GRIP1: variants seen among roughly 807,000 people sequenced by gnomAD.
GRIP1 encodes the protein glutamate receptor-interacting protein 1.
Under a neutral mutation model 129.9 loss-of-function variants are expected in GRIP1, and 45 were observed. That is an observed-to-expected ratio of 0.35 (90% CI 0.27 to 0.44). The LOEUF is 0.44. Among genes scored for constraint, GRIP1 ranks in the 20% least tolerant of loss-of-function variants. The pLI is 1.00. For missense variants in GRIP1, 1,196 were observed against 1,396.8 expected, an observed-to-expected ratio of 0.86 and a Z score of 2.29; for synonymous variants, 530 against 520.8, an observed-to-expected ratio of 1.02 and a Z score of -0.24.
At chr12:66,899,733 T>C (rs151121906) in intron 1 of GRIP1, among the ~76,000 whole-genome samples, 5 of 152,316 alleles carry the variant, frequency 3.3e-5, no homozygotes, top group African/African-American at 1.2e-4. Context: ...CAATTGCTCA[T>C]GCATGCAGAA....
In GRIP1 at chr12:66,879,727, C is replaced by T. The variant is rs181143562; in HGVS notation, c.58+189323G>A. ...CATTCATTCACTCCTTATTTTTTCA[C>T]GGCTCAACTTGCAGTGCATATTTTT... On this transcript the variant is annotated intron_variant, in intron 1 of 1. Transcript: ENST00000643019. Among the ~76,000 whole-genome samples the T allele has an allele frequency of 8.1e-4, 123 of 152,218 alleles. 1 individual carries two copies. Among genetic ancestry groups the T allele is most frequent in the African/African-American group, 2.8e-3 (115 of 41,556 alleles).
chr12:66,884,045 T>C (rs903233615), intron 1 of GRIP1, among the ~76,000 whole-genome samples: 3 of 152,226 alleles, frequency 2.0e-5, no homozygotes, highest in African/African-American at 7.2e-5. Flanking sequence ...ACTTACTAAA[T>C]GTTAGCTCTC....
At chr12:66,643,616 T>C (rs976132057) in intron 1 of GRIP1, among the ~76,000 whole-genome samples, 1 of 152,164 alleles carries the variant, frequency 6.6e-6, no homozygotes, top group Admixed American at 6.5e-5. Context: ...ACAGTTTTGC[T>C]TTGTCACCCA....
At chr12:66,965,306 C>A (rs1242770636) in intron 1 of GRIP1, among the ~76,000 whole-genome samples, 1 of 152,082 alleles carries the variant, frequency 6.6e-6, no homozygotes, top group Non-Finnish European at 1.5e-5. Flanking sequence ...GAGATGAAAT[C>A]TACTTAAGCT....
Position 66,366,434 on chromosome 12 carries a change from A to C in GRIP1, c.3012+5260T>G, listed in dbSNP as rs114118180. On this transcript the variant is annotated intron_variant, in intron 23 of 24. Coordinates refer to ENST00000359742, the MANE Select transcript of GRIP1 (RefSeq NM_001366722.1). ...GAAAACTCAAAAATGTTCAAAATGC[A>C]AACTGAACTTGGCAGGGGGAAAAGG... 3.2e-3 allele frequency among the ~76,000 whole-genome samples: 481 copies of C among 152,316 alleles called. 3 individuals carry two copies. The highest frequency in any genetic ancestry group is 0.01 in the African/African-American group (424 of 41,576).
chr12:66,698,567 C>T (rs897061384), intron 1 of GRIP1, among the ~76,000 whole-genome samples: 6 of 152,178 alleles, frequency 3.9e-5, no homozygotes, highest in Non-Finnish European at 8.8e-5. Context: ...CGCAAGTCTC[C>T]TAGGCTAGAA....
At chr12:66,467,780 A>G (rs1016445810) in intron 7 of GRIP1, among the ~76,000 whole-genome samples, 1 of 152,182 alleles carries the variant, frequency 6.6e-6, no homozygotes, top group African/African-American at 2.4e-5. Context: ...CTGGCCTACC[A>G]GGGCCTTTTC....
In GRIP1 at chr12:66,684,611, G is replaced by A. The variant is rs1417734473; in HGVS notation, c.-419-54275C>T. ...TGTAATGCCAGCACTTTGGGAGGCC[G>A]AGGTGGGCAGATCACTTGAGGTCAG... On this transcript the variant is annotated intron_variant, in intron 1 of 4. Coordinates refer to the GRIP1 transcript ENST00000538373. Among the ~76,000 whole-genome samples the A allele has an allele frequency of 4.6e-5, 7 of 152,126 alleles. No homozygotes were observed. In the East Asian group the frequency reaches 7.7e-4, roughly 17 times the overall value.
chr12:66,863,441 GGTGA>G (rs1037834807), intron 1 of GRIP1, among the ~76,000 whole-genome samples: 21 of 152,108 alleles, frequency 1.4e-4, no homozygotes, highest in Admixed American at 9.2e-4. Context: ...TAAGAAGAGT[GGTGA>G]GTAAGTGTGT....
chr12:66,502,357 G>C (rs1290461711), intron 7 of GRIP1, among the ~76,000 whole-genome samples: 1 of 152,064 alleles, frequency 6.6e-6, no homozygotes, highest in Non-Finnish European at 1.5e-5. Context: ...TCATCACCAT[G>C]GTACCTAATA....
chr12:66,937,486 T>A (rs1394618026), intron 1 of GRIP1, among the ~76,000 whole-genome samples: 1 of 152,170 alleles, frequency 6.6e-6, no homozygotes, highest in Admixed American at 6.5e-5. Flanking sequence ...CAATGGTAGT[T>A]TTTCTGAGAT....
chr12:66,705,427 T>C (rs4514504), intron 1 of GRIP1, among the ~76,000 whole-genome samples: 112,933 of 152,008 alleles, frequency 0.74, 42,201 homozygotes, highest in East Asian at 0.81. Context: ...AATGGAAAAA[T>C]GTTCCATTCT....
intron 12 of GRIP1, among the ~76,000 whole-genome samples, chr12:66,445,027 A>G (rs1348174165): frequency 6.6e-6 from 1 of 152,206 alleles, no homozygotes; most frequent in Non-Finnish European, 1.5e-5. Flanking sequence ...ATATTCCCCC[A>G]TGGCAGAAAC....
At chr12:66,598,886 AT>A (rs1257772986) in intron 1 of GRIP1, among the ~76,000 whole-genome samples, 1 of 152,146 alleles carries the variant, frequency 6.6e-6, no homozygotes, top group Non-Finnish European at 1.5e-5. Context: ...CCAGTGTTGG[AT>A]TTTTATAAAG....
intron 7 of GRIP1, among the ~76,000 whole-genome samples, chr12:66,497,309 A>T (rs572463069): frequency 2.0e-5 from 3 of 152,292 alleles, no homozygotes; most frequent in African/African-American, 7.2e-5. Context: ...TCTAGATAGG[A>T]TGTTATGGAA....
chr12:66,688,562 T>C (rs2034862766), intron 1 of GRIP1, among the ~76,000 whole-genome samples: 1 of 152,164 alleles, frequency 6.6e-6, no homozygotes, highest in Non-Finnish European at 1.5e-5. Flanking sequence ...TGTGCTTCTC[T>C]CTTAGGAAAT....
intron 1 of GRIP1, among the ~76,000 whole-genome samples, chr12:66,829,983 G>A (rs923037853): frequency 1.3e-5 from 2 of 152,150 alleles, no homozygotes; most frequent in Non-Finnish European, 2.9e-5. Context: ...GGATACCTGG[G>A]TCTATTTCCC....
At chr12:66,808,297 T>C (rs1486242339), upstream of GRIP1, among the ~76,000 whole-genome samples, 2 of 152,052 alleles carry the variant, frequency 1.3e-5, no homozygotes, top group African/African-American at 4.8e-5. Flanking sequence ...TCTTGGTTTT[T>C]TGTTTTTTTG....
chr12:66,447,714 C>T (rs2058672224), intron 11 of GRIP1, among the ~76,000 whole-genome samples: 2 of 151,978 alleles, frequency 1.3e-5, no homozygotes, highest in Non-Finnish European at 2.9e-5. Context: ...TTGCCTCTTG[C>T]TGCTTTTCCA....
Sources: gnomAD v4.1 joint callset for allele counts (sites outside exome capture counted in the v4.1 genomes callset) on GRCh38, gnomAD v4.1.1 for gene constraint, MANE v1.5 for transcripts, NCBI Gene and HGNC (gene_info 2026-07-23, HGNC 2026-07-21) for gene names.